The following GDI2 variants were observed in gnomAD, a reference collection of about 807,000 sequenced individuals.
GDI2 encodes the protein rab GDP dissociation inhibitor beta.
GDI2 carries 22 observed loss-of-function variants against 54.2 expected under a neutral mutation model. The ratio of observed to expected loss-of-function variants is 0.41; its 90% CI spans 0.29 to 0.58. The LOEUF is 0.58. Ranked by LOEUF, GDI2 falls within the 20% of genes least tolerant of loss-of-function variation. The pLI is 0.35. For missense variants in GDI2, 422 were observed against 546.0 expected, an observed-to-expected ratio of 0.77 and a Z score of 2.26; for synonymous variants, 177 against 182.1, an observed-to-expected ratio of 0.97 and a Z score of 0.23.
At chr10:5,783,198 T>C (rs1213337306) in intron 6 of GDI2, among the ~76,000 whole-genome samples, 2 of 152,148 alleles carry the variant, frequency 1.3e-5, no homozygotes, top group South Asian at 2.1e-4. Flanking sequence ...CAGGGATAGG[T>C]CTATAAATTT....
chr10:5,783,254 A>T (rs917790683), intron 6 of GDI2, among the ~76,000 whole-genome samples: 3 of 152,188 alleles, frequency 2.0e-5, no homozygotes, highest in Non-Finnish European at 4.4e-5. Context: ...AAAATAAAAA[A>T]TATAAGAATA....
At chr10:5,808,696 T>A (rs1455231244) in intron 1 of GDI2, among the ~76,000 whole-genome samples, 54 of 110,396 alleles carry the variant, frequency 4.9e-4, no homozygotes, top group Non-Finnish European at 8.2e-4. Flanking sequence ...ATTGTTGTTA[T>A]TAAAAAAAAA....
intron 6 of GDI2, among the ~76,000 whole-genome samples, chr10:5,783,431 T>C (rs1050497872): frequency 2.1e-4 from 32 of 152,308 alleles, no homozygotes; most frequent in Middle Eastern, 3.4e-3. Context: ...GTGGAGCATG[T>C]AGGCCATTTA....
At chr10:5,803,420 T>C (rs1841311081) in intron 1 of GDI2, among the ~76,000 whole-genome samples, 1 of 152,090 alleles carries the variant, frequency 6.6e-6, no homozygotes, top group Non-Finnish European at 1.5e-5. Context: ...TGAGATCCTA[T>C]CTCAATAACA....
chr10:5,770,697 G>A (rs757827398), intron 7 of GDI2, among the ~76,000 whole-genome samples: 1 of 151,986 alleles, frequency 6.6e-6, no homozygotes, highest in East Asian at 1.9e-4. Flanking sequence ...CGGGCGCAGT[G>A]GCTGACGCCT....
chr10:5,799,510 G>A (rs562112896), intron 2 of GDI2, among the ~76,000 whole-genome samples: 2 of 152,312 alleles, frequency 1.3e-5, no homozygotes, highest in African/African-American at 2.4e-5. Flanking sequence ...AAATTAGCCA[G>A]GCATGGTGGT....
chr10:5,791,320 T>C (rs1841007136), intron 4 of GDI2, among the ~76,000 whole-genome samples: 1 of 151,712 alleles, frequency 6.6e-6, no homozygotes, highest in South Asian at 2.1e-4. Flanking sequence ...AAATAATAAA[T>C]GTTCTGGGGC....
At chr10:5,794,799 G>A in intron 4 of GDI2, 86 bp downstream of exon 4, 1 of 873,098 alleles carries the variant, frequency 1.1e-6, no homozygotes. Flanking sequence ...TTGTTGACTG[G>A]GTCCTCTCTA....
In GDI2 at chr10:5,774,720, G is replaced by A. The variant is rs11592260; in HGVS notation, c.720-779C>T. 3.3e-5 allele frequency among the ~76,000 whole-genome samples: 5 copies of A among 152,242 alleles called. No individual in the cohort carries two copies. In the East Asian group the frequency reaches 5.8e-4, roughly 18 times the overall value. Reference sequence around the variant, plus strand: ...GTGAGGCTAAAGCCTAAAGCCATGCGATGTCTGGGTTTTACTCTGCTTCTT... The same window carrying A: ...GTGAGGCTAAAGCCTAAAGCCATGCAATGTCTGGGTTTTACTCTGCTTCTT... On this transcript the variant is annotated intron_variant, in intron 6 of 10. Transcript: ENST00000380191. The surrounding 1 kb of genome is among the most constrained non-coding windows in gnomAD (Gnocchi z 4.8).
chr10:5,777,119 TG>T (rs1840640644), intron 6 of GDI2, among the ~76,000 whole-genome samples: 2 of 152,176 alleles, frequency 1.3e-5, no homozygotes, highest in South Asian at 4.1e-4. Flanking sequence ...ACAAACCAAA[TG>T]GCTACATAGA....
At chr10:5,793,211 T>C (rs1228262073) in intron 4 of GDI2, among the ~76,000 whole-genome samples, 1 of 151,862 alleles carries the variant, frequency 6.6e-6, no homozygotes, top group Non-Finnish European at 1.5e-5. Context: ...CCCAGGCTGG[T>C]CTTCAACTCC....
intron 8 of GDI2, among the ~76,000 whole-genome samples, chr10:5,767,534 A>C (rs533890127): frequency 6.6e-6 from 1 of 152,208 alleles, no homozygotes; most frequent in African/African-American, 2.4e-5. Context: ...TATGTTACCC[A>C]GGCTGGTCTT....
rs931470136 is a variant in GDI2 at position 5,791,694 on chromosome 10, C to T, written c.388+3191G>A. On this transcript the variant is annotated intron_variant, in intron 4 of 10. Coordinates refer to ENST00000380191, the MANE Select transcript of GDI2 (RefSeq NM_001494.4). ...CCCAGGAGGCGGAGGTTGCAGTGAG[C>T]GCACCATTGCACTCCAGCCTGGGCA... is the stretch of plus-strand genomic sequence containing the variant. 3.3e-5 allele frequency among the ~76,000 whole-genome samples: 5 copies of T among 150,238 alleles called. No individual in the cohort carries two copies. In the East Asian group the frequency reaches 7.8e-4, roughly 24 times the overall value.
intron 6 of GDI2, 90 bp downstream of exon 6, chr10:5,785,052 T>C: frequency 2.5e-6 from 2 of 801,544 alleles, no homozygotes; most frequent in Admixed American, 2.7e-5. Flanking sequence ...CATAGACTGA[T>C]CTCATCTCAT....
At chr10:5,781,148 GCTAAAACAA>G (rs1032914715) in intron 6 of GDI2, among the ~76,000 whole-genome samples, 1 of 149,570 alleles carries the variant, frequency 6.7e-6, no homozygotes, top group African/African-American at 2.5e-5. Flanking sequence ...AACAAATGCA[GCTAAAACAA>G]CTAAATATTC....
At chr10:5,809,254 CAAAA>C (rs1039669236) in intron 1 of GDI2, among the ~76,000 whole-genome samples, 15 of 141,936 alleles carry the variant, frequency 1.1e-4, no homozygotes, top group Non-Finnish European at 2.3e-4. Context: ...CAAAAAAAAA[CAAAA>C]AAAAAAACTG....
chr10:5,802,108 G>A (rs977592023), intron 1 of GDI2, among the ~76,000 whole-genome samples: 1 of 152,152 alleles, frequency 6.6e-6, no homozygotes, highest in Non-Finnish European at 1.5e-5. Flanking sequence ...CAGCACTTCA[G>A]CTCAGGGAAA....
At chr10:5,796,679 A>G in intron 3 of GDI2, 84 bp downstream of exon 3, 1 of 739,780 alleles carries the variant, frequency 1.4e-6, no homozygotes, top group South Asian at 1.5e-5. Flanking sequence ...CCTCATACCC[A>G]GAATAGTACT....
At chr10:5,783,621 T>C (rs1031310952) in intron 6 of GDI2, among the ~76,000 whole-genome samples, 7 of 152,252 alleles carry the variant, frequency 4.6e-5, no homozygotes, top group Admixed American at 4.6e-4. Flanking sequence ...GAGCTCCTTT[T>C]AGCAGTTCTT....
Sources: gnomAD v4.1 joint callset for allele counts (sites outside exome capture counted in the v4.1 genomes callset) on GRCh38, gnomAD v4.1.1 for gene constraint, Gnocchi (gnomAD v3.1) non-coding constraint, MANE v1.5 for transcripts, NCBI Gene and HGNC (gene_info 2026-07-23, HGNC 2026-07-21) for gene names.